The following VPS45 variants were observed in gnomAD, a reference collection of about 807,000 sequenced individuals.
The protein encoded by VPS45 is vacuolar protein sorting-associated protein 45.
Under a neutral mutation model 75.9 loss-of-function variants are expected in VPS45, and 35 were observed. The observed-to-expected ratio is 0.46, with a 90% CI of 0.35 to 0.61. The LOEUF (loss-of-function observed/expected upper bound fraction) is 0.61. Among genes scored for constraint, VPS45 ranks in the 20% least tolerant of loss-of-function variants. The pLI, the probability that VPS45 is intolerant of heterozygous loss-of-function variation, is 0.00. For synonymous variants in VPS45, 220 were observed against 238.2 expected (o/e 0.92, Z 0.70); for missense variants, 559 against 685.9 (o/e 0.81, Z 2.07).
chr1:150,114,906 A>AAG (rs1442968826), intron 14 of VPS45, among the ~76,000 whole-genome samples: 1 of 144,966 alleles, frequency 6.9e-6, no homozygotes, highest in Non-Finnish European at 1.5e-5. Flanking sequence ...CCCTGTCTTA[A>AAG]AAAAAAAAAA....
At chr1:150,128,946 T>C (rs948594502) in intron 14 of VPS45, among the ~76,000 whole-genome samples, 2 of 151,986 alleles carry the variant, frequency 1.3e-5, no homozygotes, top group Non-Finnish European at 2.9e-5. Flanking sequence ...TTTCACCGTG[T>C]TAGCCAGGAT....
At chr1:150,075,842 T>C (rs1324836996) in intron 3 of VPS45, among the ~76,000 whole-genome samples, 1 of 152,004 alleles carries the variant, frequency 6.6e-6, no homozygotes, top group African/African-American at 2.4e-5. Context: ...CTCTGCCTCC[T>C]GGGTTCATGC....
intron 14 of VPS45, among the ~76,000 whole-genome samples, chr1:150,132,367 G>A (rs1280139385): frequency 6.6e-6 from 1 of 152,120 alleles, no homozygotes; most frequent in Non-Finnish European, 1.5e-5. Flanking sequence ...AGACAGAAGT[G>A]ACCTGTTTAC....
intron 2 of VPS45, among the ~76,000 whole-genome samples, chr1:150,070,229 G>A (rs1654977666): frequency 6.6e-6 from 1 of 152,146 alleles, no homozygotes; most frequent in East Asian, 1.9e-4. Flanking sequence ...ATTACCAGCA[G>A]TAAGCTCCAT....
chr1:150,092,065 G>A lies in VPS45; in HGVS notation c.1233G>A (p.Arg411=), dbSNP rs2101565990. The A allele has an allele frequency of 1.2e-6, 2 of 1,613,846 alleles. No homozygotes were observed. Among genetic ancestry groups the A allele is most frequent in the Non-Finnish European group, 1.7e-6 (2 of 1,179,906 alleles). ...NSLPGLMMDL[R]NKGVSEKYRK... Reference sequence around the variant, plus strand: ...TGCCAGGACTAATGATGGACCTCAGGAATAAAGGTGTTTCTGAGAAGTATC... The same window carrying A: ...TGCCAGGACTAATGATGGACCTCAGAAATAAAGGTGTTTCTGAGAAGTATC... Residue 411 remains arginine (R), a synonymous_variant, in exon 11 of 15, where the codon AGG becomes AGA. Coordinates refer to ENST00000644510, the MANE Select transcript of VPS45 (RefSeq NM_007259.5).
At chr1:150,081,258 T>G in intron 7 of VPS45, 84 bp from the exon 8 acceptor site, 1 of 1,315,900 alleles carries the variant, frequency 7.6e-7, no homozygotes, top group Non-Finnish European at 1.0e-6. Flanking sequence ...TTAAAGAATG[T>G]TATCAGTTTT....
intron 3 of VPS45, among the ~76,000 whole-genome samples, chr1:150,073,113 AT>A (rs1212734510): frequency 3.3e-5 from 5 of 152,058 alleles, no homozygotes; most frequent in African/African-American, 1.2e-4. Context: ...ATTTACATGG[AT>A]TTTTTTGATC....
intron 3 of VPS45, among the ~76,000 whole-genome samples, chr1:150,074,139 C>G (rs587641921): frequency 5.9e-5 from 9 of 151,792 alleles, no homozygotes; most frequent in Admixed American, 5.2e-4. Flanking sequence ...CTCAGCCTCC[C>G]GAGTAGCTAG....
At chr1:150,143,007 T>C in intron 14 of VPS45, 1 of 327,276 alleles carries the variant, frequency 3.1e-6, no homozygotes. Flanking sequence ...GTAGCTATTT[T>C]ATTCATTTAC....
intron 14 of VPS45, among the ~76,000 whole-genome samples, chr1:150,129,004 T>C (rs1658672868): frequency 7.6e-6 from 1 of 132,160 alleles, no homozygotes; most frequent in East Asian, 1.9e-4. Flanking sequence ...ATTACAGGCG[T>C]GAGCCACTGC....
At chr1:150,122,096 G>A (rs1316259985) in intron 14 of VPS45, among the ~76,000 whole-genome samples, 3 of 152,104 alleles carry the variant, frequency 2.0e-5, no homozygotes, top group East Asian at 3.9e-4. Flanking sequence ...CAAGGCGGCC[G>A]GATCACCTGA....
chr1:150,122,289 C>G (rs1196917962), intron 14 of VPS45, among the ~76,000 whole-genome samples: 1 of 152,060 alleles, frequency 6.6e-6, no homozygotes, highest in Non-Finnish European at 1.5e-5. Flanking sequence ...CCACTACACT[C>G]CAGCGTGGGC....
At chr1:150,123,691 C>T (rs1401513692) in intron 14 of VPS45, among the ~76,000 whole-genome samples, 15 of 152,092 alleles carry the variant, frequency 9.9e-5, no homozygotes, top group African/African-American at 3.4e-4. Context: ...TTTAAGTTAG[C>T]TGTGTGAGCT....
At chr1:150,132,408 G>C (rs1379746981) in intron 14 of VPS45, among the ~76,000 whole-genome samples, 1 of 152,060 alleles carries the variant, frequency 6.6e-6, no homozygotes, top group Non-Finnish European at 1.5e-5. Flanking sequence ...CTATATTTCT[G>C]TTTTCATGAT....
At chr1:150,076,440 C>A in intron 4 of VPS45, 128 bp downstream of exon 4, 1 of 611,940 alleles carries the variant, frequency 1.6e-6, no homozygotes. Context: ...ATATGTTTAT[C>A]ACATAAATGA....
At chr1:150,082,160 A>G (rs1395471249) in intron 9 of VPS45, among the ~76,000 whole-genome samples, 163 bp downstream of exon 9, 5 of 152,186 alleles carry the variant, frequency 3.3e-5, no homozygotes, top group African/African-American at 1.2e-4. Context: ...TGAAAACTTT[A>G]TGATAAGCCA....
At chr1:150,129,534 T>C (rs952102127) in intron 14 of VPS45, among the ~76,000 whole-genome samples, 1 of 152,070 alleles carries the variant, frequency 6.6e-6, no homozygotes, top group African/African-American at 2.4e-5. Context: ...TTGCTATGAA[T>C]GTATACACAT....
intron 14 of VPS45, among the ~76,000 whole-genome samples, chr1:150,135,819 A>T (rs1453765586): frequency 2.0e-5 from 3 of 150,560 alleles, no homozygotes; most frequent in African/African-American, 7.3e-5. Context: ...TTGTATTTTT[A>T]GTAGAAATGG....
At chr1:150,129,929 G>A (rs910896908) in intron 14 of VPS45, among the ~76,000 whole-genome samples, 13 of 149,766 alleles carry the variant, frequency 8.7e-5, no homozygotes, top group Non-Finnish European at 1.8e-4. Flanking sequence ...ATAGTTCACT[G>A]TAACCTCAAA....
Sources: allele counts gnomAD v4.1 joint callset (sites outside exome capture counted in the v4.1 genomes callset), GRCh38; gene constraint gnomAD v4.1.1; transcripts MANE v1.5; gene names NCBI Gene and HGNC (gene_info 2026-07-23, HGNC 2026-07-21).